Variants in ENTREP2 observed in about 807,000 individuals in gnomAD.
ENTREP2 encodes protein ENTREP2.
At chr15:29,411,269 C>A in the ENTREP2 span, among the ~76,000 whole-genome samples, 1 of 152,142 alleles carries the variant, frequency 6.6e-6, no homozygotes, top group African/African-American at 2.4e-5. Flanking sequence ...GAAAAGAATG[C>A]CAAGTTGTAT....
At chr15:29,537,450 C>T in the ENTREP2 span, among the ~76,000 whole-genome samples, 2 of 152,184 alleles carry the variant, frequency 1.3e-5, no homozygotes, top group Non-Finnish European at 2.9e-5. Context: ...TTGGTTTCCT[C>T]CTGATTCTTC....
chr15:29,579,478 C>T, the ENTREP2 span, among the ~76,000 whole-genome samples: 4 of 151,562 alleles, frequency 2.6e-5, no homozygotes, highest in Non-Finnish European at 5.9e-5. Flanking sequence ...ACATGTTTCT[C>T]TAATCCTCTG....
chr15:29,290,538 C>T, the ENTREP2 span, among the ~76,000 whole-genome samples: 3 of 152,228 alleles, frequency 2.0e-5, no homozygotes, highest in African/African-American at 7.2e-5. Flanking sequence ...TCTCCCTGCA[C>T]AAGAATGCAG....
chr15:29,269,340 G>C, the ENTREP2 span: 1 of 1,614,218 alleles, frequency 6.2e-7, no homozygotes, highest in East Asian at 2.2e-5. Flanking sequence ...GGTCGGGGAA[G>C]ATGTCCTTGT....
At chr15:29,186,075 G>A in the ENTREP2 span, among the ~76,000 whole-genome samples, 7 of 152,140 alleles carry the variant, frequency 4.6e-5, 1 homozygote, top group African/African-American at 1.7e-4. Flanking sequence ...AGCTCCTCCC[G>A]TACTTTCTGT....
At chr15:29,415,687 T>G in the ENTREP2 span, among the ~76,000 whole-genome samples, 1 of 152,132 alleles carries the variant, frequency 6.6e-6, no homozygotes, top group Non-Finnish European at 1.5e-5. Flanking sequence ...CGGCATTCAA[T>G]TAGGAAAAGA....
chr15:29,428,873 C>A, the ENTREP2 span, among the ~76,000 whole-genome samples: 1 of 152,186 alleles, frequency 6.6e-6, no homozygotes, highest in African/African-American at 2.4e-5. Flanking sequence ...AGTCACGGAT[C>A]ACCAGTGTCA....
the ENTREP2 span, among the ~76,000 whole-genome samples, chr15:29,186,875 G>C: frequency 6.6e-6 from 1 of 152,174 alleles, no homozygotes; most frequent in Non-Finnish European, 1.5e-5. Context: ...GGCCATTAAG[G>C]AAGGGTACAG....
At chr15:29,210,381 CT>C in the ENTREP2 span, among the ~76,000 whole-genome samples, 1 of 152,212 alleles carries the variant, frequency 6.6e-6, no homozygotes, top group Admixed American at 6.5e-5. Flanking sequence ...TCCCCAAGCC[CT>C]GGGCCACAGA....
At chr15:29,178,291 C>CT in the ENTREP2 span, among the ~76,000 whole-genome samples, 2 of 122,044 alleles carry the variant, frequency 1.6e-5, no homozygotes, top group South Asian at 2.6e-4. Context: ...AAGAACCTGT[C>CT]TTAAAAAAAA....
At chr15:29,674,234 C>A in the ENTREP2 span, among the ~76,000 whole-genome samples, 1 of 151,896 alleles carries the variant, frequency 6.6e-6, no homozygotes, top group African/African-American at 2.4e-5. Context: ...AACGCTCCAC[C>A]CTGTCCTGCT....
At chr15:29,449,031 T>A in the ENTREP2 span, among the ~76,000 whole-genome samples, 1 of 152,308 alleles carries the variant, frequency 6.6e-6, no homozygotes, top group Non-Finnish European at 1.5e-5. Flanking sequence ...ACACTGTTAC[T>A]GCATCTACAT....
the ENTREP2 span, among the ~76,000 whole-genome samples, chr15:29,261,921 TAA>T: frequency 2.3e-5 from 3 of 129,664 alleles, no homozygotes; most frequent in African/African-American, 2.7e-5. Context: ...ACTCCAGAAA[TAA>T]AAAAAAAAAG....
the ENTREP2 span, among the ~76,000 whole-genome samples, chr15:29,668,289 A>G: frequency 2.0e-5 from 3 of 152,128 alleles, no homozygotes; most frequent in Non-Finnish European, 4.4e-5. Flanking sequence ...AACCACCACC[A>G]ATCACAAAGC....
At chr15:29,126,548 G>T in the ENTREP2 span, 1 of 1,446,026 alleles carries the variant, frequency 6.9e-7, no homozygotes, top group Non-Finnish European at 9.4e-7. Flanking sequence ...GCTGGCGTGG[G>T]ACAGGCCTGC....
the ENTREP2 span, among the ~76,000 whole-genome samples, chr15:29,633,390 T>C: frequency 6.6e-6 from 1 of 152,172 alleles, no homozygotes; most frequent in South Asian, 2.1e-4. Flanking sequence ...ATCTATAAGA[T>C]GTATTTTATG....
At chr15:29,436,502 C>A in the ENTREP2 span, among the ~76,000 whole-genome samples, 4 of 152,172 alleles carry the variant, frequency 2.6e-5, no homozygotes, top group South Asian at 8.3e-4. Flanking sequence ...GCAGAGATTT[C>A]TTTTATAAGT....
At chr15:29,417,483 G>C in the ENTREP2 span, among the ~76,000 whole-genome samples, 6 of 152,088 alleles carry the variant, frequency 3.9e-5, no homozygotes, top group Admixed American at 3.3e-4. Context: ...TCACACACCG[G>C]GGACTGCTGT....
At chr15:29,657,416 A>G in the ENTREP2 span, among the ~76,000 whole-genome samples, 1 of 142,024 alleles carries the variant, frequency 7.0e-6, no homozygotes, top group Non-Finnish European at 1.5e-5. Flanking sequence ...GCTATAAAGA[A>G]GCAAAGGACA....
Sources: allele counts gnomAD v4.1 joint callset (sites outside exome capture counted in the v4.1 genomes callset), GRCh38; gene constraint gnomAD v4.1.1; transcripts MANE v1.5; gene names NCBI Gene and HGNC (gene_info 2026-07-23, HGNC 2026-07-21).